The following ZNF880 variants were observed in gnomAD, a reference collection of about 807,000 sequenced individuals.
The protein encoded by ZNF880 is zinc finger protein 880, also known as zinc finger protein LOC400713.
ZNF880 carries 12 observed loss-of-function variants against 11.8 expected under a neutral mutation model. The observed-to-expected ratio is 1.02, with a 90% CI of 0.65 to 1.65. The LOEUF is 1.65. Ranked by LOEUF, ZNF880 falls within the 40% of genes most tolerant of loss-of-function variation. The probability of loss-of-function intolerance (pLI) is 0.00; values close to 1 mark genes in which losing one functional copy is unlikely to be tolerated. For synonymous variants in ZNF880, 210 were observed against 232.4 expected, an observed-to-expected ratio of 0.90 and a Z score of 0.88; for missense variants, 601 against 673.9, an observed-to-expected ratio of 0.89 and a Z score of 1.20.
rs879032114 is a variant in ZNF880, at chr19:52,384,905, C to A, written c.1325C>A (p.Ala442Asp). 5.0e-6 allele frequency: 8 copies of A among 1,605,564 alleles called. No individual in the cohort carries two copies. The South Asian group carries it at 8.9e-5, about 18-fold the overall frequency. The change falls in exon 4 of 4, where the codon GCC becomes GAC. Residue 442 changes from alanine to aspartate, a missense_variant. Ala to Asp is a moderately radical substitution (Grantham distance 126). Coordinates refer to ENST00000422689, the MANE Select transcript of ZNF880 (RefSeq NM_001145434.2). ...GEKPYKCKECAKVFRHRLSLS... is the reference protein window; with the variant it reads ...GEKPYKCKECDKVFRHRLSLS... ...AAACCTTACAAATGTAAAGAATGTG[C>A]CAAGGTCTTCAGGCATAGATTATCC...
At chr19:52,380,562 T>C (rs1005362094) in intron 3 of ZNF880, among the ~76,000 whole-genome samples, 6 of 152,200 alleles carry the variant, frequency 3.9e-5, no homozygotes, top group Non-Finnish European at 7.3e-5. Flanking sequence ...TAACATCTTA[T>C]CGGAGGTTTG....
chr19:52,384,069 T>A lies in ZNF880; in HGVS notation c.489T>A (p.Asn163Lys), dbSNP rs1012348594. 2 of 1,574,324 alleles carry A rather than the reference T, an allele frequency of 1.3e-6. No individual in the cohort carries two copies. Among genetic ancestry groups the A allele is most frequent in the Middle Eastern group, 1.7e-4 (1 of 6,014 alleles). Residue 163 changes from asparagine (N) to lysine (K), a missense_variant, in exon 4 of 4, where the codon AAT (asparagine) becomes AAA (lysine). Asn to Lys is a moderately conservative substitution (Grantham distance 94). Around this residue, in one of 3 missense-constraint regions of ZNF880, gnomAD observed 420 missense variants for 442.6 expected, o/e 0.95. Coordinates refer to ENST00000422689, the MANE Select transcript of ZNF880 (RefSeq NM_001145434.2). ...VKSHILNKYR[N>K]DFDDSPFLPQ... The stretch of plus-strand genomic sequence containing the variant: ...CCCACATTTTAAATAAATACAGAAA[T>A]GATTTTGATGATTCTCCATTTCTCC...
chr19:52,370,424 T>C (rs1262145895), intron 1 of ZNF880: 1 of 167,650 alleles, frequency 6.0e-6, no homozygotes, highest in Non-Finnish European at 1.3e-5. Context: ...GGGCTTTTGC[T>C]AACACCTAAA....
chr19:52,376,125 C>T (rs958929136), intron 3 of ZNF880, among the ~76,000 whole-genome samples: 2 of 152,174 alleles, frequency 1.3e-5, no homozygotes, highest in Admixed American at 6.6e-5. Flanking sequence ...CTGCTATAAA[C>T]GTGTGTGGAA....
intron 3 of ZNF880, among the ~76,000 whole-genome samples, chr19:52,376,373 GTATTA>G (rs1986551203): frequency 6.6e-6 from 1 of 151,874 alleles, no homozygotes; most frequent in Non-Finnish European, 1.5e-5. Flanking sequence ...GAGTAAGAGG[GTATTA>G]TATTATAGTT....
downstream of ZNF880, among the ~76,000 whole-genome samples, chr19:52,387,170 A>T (rs187784987): frequency 1.9e-4 from 27 of 144,808 alleles, 4 homozygotes; most frequent in Admixed American, 7.5e-4. Context: ...AGGCATTTTT[A>T]AAAAATGCAC....
downstream of ZNF880, chr19:52,388,736 C>A (rs967360369): frequency 6.6e-6 from 1 of 152,110 alleles, no homozygotes; most frequent in African/African-American, 2.4e-5. Context: ...GGATGGACTT[C>A]CCCAGCTGGT....
At chr19:52,369,873 G>A (rs1986305475), upstream of ZNF880, 14 of 1,514,902 alleles carry the variant, frequency 9.2e-6, no homozygotes, top group Non-Finnish European at 1.3e-5. Context: ...CGCAGGCTCC[G>A]CCCAATCCCA....
the ZNF880 span, chr19:52,396,567 G>A: frequency 6.6e-6 from 1 of 152,206 alleles, no homozygotes. Context: ...TGCAGCCAAT[G>A]GGCCTGCTTG....
At chr19:52,396,693 G>A in the ZNF880 span, 1 of 152,258 alleles carries the variant, frequency 6.6e-6, no homozygotes, top group Non-Finnish European at 1.5e-5. Flanking sequence ...GAGCAGATGG[G>A]AAGACTGCTT....
At chr19:52,390,228 G>T, downstream of ZNF880, 1 of 247,838 alleles carries the variant, frequency 4.0e-6, no homozygotes, top group South Asian at 3.1e-5. Flanking sequence ...GCACTGGCCC[G>T]CACCTTTTTT....
chr19:52,374,391 C>G lies in ZNF880; in HGVS notation c.232C>G (p.Pro78Ala). Residue 78 changes from proline to alanine, a missense_variant, in exon 3 of 4, where the codon CCA becomes GCA. Physicochemically the swap from Pro to Ala is conservative, Grantham distance 27. This residue lies in a region of ZNF880 where 420 missense variants were observed against 442.6 expected (regional missense o/e 0.95). Coordinates refer to ENST00000422689, the MANE Select transcript of ZNF880 (RefSeq NM_001145434.2). ...GAGTGAAGTGAAAATAGCAAACAATCCAGGTGGCAGGGAGTGCATCAAAGG... is the reference window on the plus strand; with the variant it reads ...GAGTGAAGTGAAAATAGCAAACAATGCAGGTGGCAGGGAGTGCATCAAAGG... ...LQSEVKIANN[P>A]GGRECIKGVN... The G allele has an allele frequency of 6.2e-7, 1 of 1,613,132 alleles. No homozygotes were observed.
the ZNF880 span, chr19:52,392,833 A>T: frequency 0.015 from 2,593 of 175,070 alleles, 53 homozygotes; most frequent in African/African-American, 0.052. Flanking sequence ...ATATATATAT[A>T]TTTTTTGAGA....
chr19:52,373,976 A>G (rs1249655098), intron 2 of ZNF880, among the ~76,000 whole-genome samples: 1 of 151,912 alleles, frequency 6.6e-6, no homozygotes, highest in African/African-American at 2.4e-5. Flanking sequence ...GCGAAATACT[A>G]TTCTTGATTC....
In ZNF880 at chr19:52,384,676, C is replaced by T; in HGVS notation, c.1096C>T (p.His366Tyr). Residue 366 changes from histidine to tyrosine, a missense_variant, in exon 4 of 4, where the codon CAC (histidine) becomes TAC (tyrosine). Transcript: ENST00000422689. ...KCGKVFNRNA[H>Y]LTRHQRIHTG... The stretch of plus-strand genomic sequence containing the variant: ...TGGCAAGGTCTTCAATCGAAATGCA[C>T]ACCTTACCAGACATCAAAGAATCCA... The T allele has an allele frequency of 6.2e-7, 1 of 1,611,354 alleles. No individual in the cohort carries two copies.
In ZNF880 at chr19:52,385,396, CTGA is replaced by C; in HGVS notation, c.*83_*85del. The C allele has an allele frequency of 7.0e-7, 1 of 1,419,914 alleles. No homozygotes were observed. Among genetic ancestry groups the C allele is most frequent in the South Asian group, 1.4e-5 (1 of 71,594 alleles). The allele number at this position is 1,419,914 out of a possible 1,614,324, so 88.0% of individuals were successfully genotyped here. On this transcript the variant is annotated 3_prime_UTR_variant, in exon 4 of 4. Coordinates refer to ENST00000422689, the MANE Select transcript of ZNF880 (RefSeq NM_001145434.2). ...TCATTCATGAGAGAGTTCTTACAAA[CTGA>C]GTATGGCAAACTCTTCATGCTAAGT...
rs1277165247 is a variant in ZNF880, at chr19:52,385,319, T to C, written c.*5T>C. On this transcript the variant is annotated 3_prime_UTR_variant, in exon 4 of 4. Coordinates refer to ENST00000422689, the MANE Select transcript of ZNF880 (RefSeq NM_001145434.2). ...GGAGAGAAACCGTACAGATGAAATG[T>C]GTGTGGTAAGATCTTTAGTAATAAT... 1.3e-6 allele frequency: 2 copies of C among 1,549,872 alleles called. No homozygotes were observed. The highest frequency in any genetic ancestry group is 1.7e-6 in the Non-Finnish European group (2 of 1,145,560).
chr19:52,388,215 T>A (rs993553877), downstream of ZNF880, among the ~76,000 whole-genome samples: 1 of 150,834 alleles, frequency 6.6e-6, no homozygotes, highest in Non-Finnish European at 1.5e-5. Context: ...ATGGGAGTTT[T>A]TTTTGCTTTT....
the ZNF880 span, among the ~76,000 whole-genome samples, chr19:52,395,138 CT>C: frequency 1.3e-5 from 2 of 151,990 alleles, no homozygotes; most frequent in Non-Finnish European, 2.9e-5. Flanking sequence ...TTTTTTTGTC[CT>C]GTCCTCAGGC....
Sources: gnomAD v4.1 joint callset for allele counts (sites outside exome capture counted in the v4.1 genomes callset) on GRCh38, gnomAD v4.1.1 for gene constraint, gnomAD v4.1.1 regional missense constraint, MANE v1.5 for transcripts, NCBI Gene and HGNC (gene_info 2026-07-23, HGNC 2026-07-21) for gene names.